TNRC6B: variants seen among roughly 807,000 people sequenced by gnomAD.
TNRC6B encodes the protein trinucleotide repeat-containing gene 6B protein.
A neutral mutation model predicts 203.6 loss-of-function variants in TNRC6B; 52 were observed. That is an observed-to-expected ratio of 0.26 (90% CI 0.20 to 0.32). The LOEUF (loss-of-function observed/expected upper bound fraction) is 0.32. Ranked by LOEUF, TNRC6B falls within the 10% of genes least tolerant of loss-of-function variation. TNRC6B has a pLI of 1.00. For missense variants in TNRC6B, 1,923 were observed against 2,286.2 expected, an observed-to-expected ratio of 0.84 and a Z score of 3.24; for synonymous variants, 838 against 845.7, an observed-to-expected ratio of 0.99 and a Z score of 0.16.
chr22:40,060,432 A>G (rs1228744070), intron 1 of TNRC6B, among the ~76,000 whole-genome samples: 3 of 152,094 alleles, frequency 2.0e-5, no homozygotes, highest in Admixed American at 2.0e-4. Context: ...ATGAGCCACC[A>G]TGCCCAGCCA....
chr22:40,251,986 A>G (rs1371015410), intron 3 of TNRC6B, among the ~76,000 whole-genome samples: 6 of 152,210 alleles, frequency 3.9e-5, no homozygotes, highest in African/African-American at 1.2e-4. Flanking sequence ...GCTAAAAAAT[A>G]GTGACATGTT....
At chr22:40,192,178 G>T (rs574581486) in intron 1 of TNRC6B, among the ~76,000 whole-genome samples, 2 of 152,338 alleles carry the variant, frequency 1.3e-5, no homozygotes, top group Admixed American at 1.3e-4. Flanking sequence ...GCCTGGCCCA[G>T]AAATTTGGAT....
At chr22:40,200,859 T>C (rs2069403281) in intron 1 of TNRC6B, among the ~76,000 whole-genome samples, 1 of 152,158 alleles carries the variant, frequency 6.6e-6, no homozygotes, top group Non-Finnish European at 1.5e-5. Flanking sequence ...TTTCTTTAAG[T>C]TCCCTCTCAT....
chr22:40,210,782 A>G (rs1362233463), intron 1 of TNRC6B, among the ~76,000 whole-genome samples: 1 of 152,202 alleles, frequency 6.6e-6, no homozygotes, highest in Non-Finnish European at 1.5e-5. Flanking sequence ...ACCTTAGTCC[A>G]GGAACCTGGA....
intron 1 of TNRC6B, among the ~76,000 whole-genome samples, chr22:40,223,006 C>T (rs1012565707): frequency 6.6e-6 from 1 of 152,052 alleles, no homozygotes; most frequent in Non-Finnish European, 1.5e-5. Flanking sequence ...CTTGTCCTCC[C>T]AAAGTGCTGG....
chr22:40,259,921 G>A (rs996313629), intron 3 of TNRC6B, among the ~76,000 whole-genome samples: 4 of 152,132 alleles, frequency 2.6e-5, no homozygotes, highest in African/African-American at 4.8e-5. Context: ...ATTTCTGTAC[G>A]ACTTCCAGCC....
intron 17 of TNRC6B, among the ~76,000 whole-genome samples, chr22:40,312,104 G>A (rs375901740): frequency 1.2e-4 from 19 of 152,286 alleles, no homozygotes; most frequent in East Asian, 3.9e-4. Flanking sequence ...CCAACATCTC[G>A]TAAGGAAAAT....
In TNRC6B at chr22:40,264,185, A is replaced by G. The variant is rs369126086; in HGVS notation, c.458-503A>G. 3.9e-5 allele frequency among the ~76,000 whole-genome samples: 6 copies of G among 152,312 alleles called. No individual in the cohort carries two copies. The East Asian group carries it at 1.2e-3, about 29-fold the overall frequency. On this transcript the variant is annotated intron_variant, in intron 4 of 22. Coordinates refer to ENST00000454349, the MANE Select transcript of TNRC6B (RefSeq NM_001162501.2). The stretch of plus-strand genomic sequence containing the variant: ...TATCGAATATTGACATCTACATAGG[A>G]GGTAGTAGAAGATAAGACTAGAAAA...
rs2071428113 is a variant in TNRC6B, at chr22:40,328,404, G to A, written c.*5163G>A. 6.6e-6 allele frequency: 1 copy of A among 152,112 alleles called. No homozygotes were observed. Among genetic ancestry groups the A allele is most frequent in the African/African-American group, 2.4e-5 (1 of 41,406 alleles). The allele number at this position is 152,112 out of a possible 1,614,324, so 9.4% of individuals were successfully genotyped here. A position where few individuals can be genotyped will look rare whatever the true frequency, so the allele number is the denominator to read the frequency against. On this transcript the variant is annotated 3_prime_UTR_variant, in exon 23 of 23. Coordinates refer to ENST00000454349, the MANE Select transcript of TNRC6B (RefSeq NM_001162501.2). ...ATATGGTATAGAAGGTATGCAAGAG[G>A]AAAAAGAAAGGAAAAGATAAAACTC...
chr22:40,074,804 G>T (rs533683496), intron 1 of TNRC6B, among the ~76,000 whole-genome samples: 150 of 139,086 alleles, frequency 1.1e-3, no homozygotes, highest in African/African-American at 4.8e-3. Flanking sequence ...ATAAAATAAA[G>T]AAAATTAGCT....
intron 4 of TNRC6B, among the ~76,000 whole-genome samples, chr22:40,161,596 A>G (rs1036134482): frequency 1.3e-5 from 2 of 152,218 alleles, no homozygotes; most frequent in African/African-American, 4.8e-5. Context: ...ATATGTAGAA[A>G]GCTCTTGAAA....
At chr22:40,099,442 C>T (rs563696737) in intron 1 of TNRC6B, among the ~76,000 whole-genome samples, 1 of 152,168 alleles carries the variant, frequency 6.6e-6, no homozygotes, top group South Asian at 2.1e-4. Context: ...TCCTTGACTA[C>T]CTAGAGCCTC....
In TNRC6B at chr22:40,328,755, C is replaced by G. The variant is rs1211715176; in HGVS notation, c.*5514C>G. 2 of 152,164 alleles carry G rather than the reference C, an allele frequency of 1.3e-5. No individual in the cohort carries two copies. Among genetic ancestry groups the G allele is most frequent in the Non-Finnish European group, 2.9e-5 (2 of 68,038 alleles). The allele number at this position is 152,164 out of a possible 1,614,324, so 9.4% of individuals were successfully genotyped here. A position where few individuals can be genotyped will look rare whatever the true frequency, so the allele number is the denominator to read the frequency against. On this transcript the variant is annotated 3_prime_UTR_variant, in exon 23 of 23. Transcript: ENST00000454349. ...TTTTCAGCAGACTTGGCTCTAATAGCCATCTCTAAGATTAGGGAACAATTG... is the reference window on the plus strand; with the variant it reads ...TTTTCAGCAGACTTGGCTCTAATAGGCATCTCTAAGATTAGGGAACAATTG...
At chr22:40,192,190 T>C (rs1191190075) in intron 1 of TNRC6B, among the ~76,000 whole-genome samples, 1 of 152,238 alleles carries the variant, frequency 6.6e-6, no homozygotes, top group Non-Finnish European at 1.5e-5. Context: ...AATTTGGATT[T>C]TATCCCGTAG....
intron 1 of TNRC6B, among the ~76,000 whole-genome samples, chr22:40,116,236 G>A (rs1423391093): frequency 6.6e-6 from 1 of 152,208 alleles, no homozygotes; most frequent in African/African-American, 2.4e-5. Context: ...CTTTCTGACA[G>A]CGGTGTAGAT....
intron 1 of TNRC6B, among the ~76,000 whole-genome samples, chr22:40,188,958 T>A (rs9611286): frequency 6.6e-6 from 1 of 151,980 alleles, no homozygotes; most frequent in South Asian, 2.1e-4. Context: ...TGTCTTACCA[T>A]GGTTTCAAAA....
chr22:40,292,464 A>G (rs190221704), intron 12 of TNRC6B, among the ~76,000 whole-genome samples: 8 of 152,182 alleles, frequency 5.3e-5, no homozygotes, highest in African/African-American at 1.9e-4. Flanking sequence ...TACAATATTG[A>G]GAAAGTAACA....
intron 3 of TNRC6B, chr22:40,156,071 T>A (rs2068816383): frequency 6.5e-7 from 1 of 1,542,686 alleles, no homozygotes; most frequent in African/African-American, 1.4e-5. Flanking sequence ...TGAGTCGCAT[T>A]GTAGTTACTG....
At chr22:40,152,623 C>T (rs776040796) in intron 3 of TNRC6B, among the ~76,000 whole-genome samples, 6 of 151,966 alleles carry the variant, frequency 3.9e-5, no homozygotes, top group East Asian at 2.0e-4. Context: ...CCATCGCACC[C>T]GGCCACACCC....
Sources: allele counts gnomAD v4.1 joint callset (sites outside exome capture counted in the v4.1 genomes callset), GRCh38; gene constraint gnomAD v4.1.1; transcripts MANE v1.5; gene names NCBI Gene and HGNC (gene_info 2026-07-23, HGNC 2026-07-21).